Variants in FRMD4B observed in about 807,000 individuals in gnomAD.
FRMD4B encodes FERM domain-containing protein 4B.
In FRMD4B, 74 loss-of-function variants were observed where a neutral mutation model predicts 141.5. The observed-to-expected ratio is 0.52, with a 90% CI of 0.43 to 0.63. The LOEUF is 0.63. Among genes scored for constraint, FRMD4B ranks in the 30% least tolerant of loss-of-function variants. The pLI is 0.00. For missense variants in FRMD4B, 1,366 were observed against 1,253.4 expected (o/e 1.09, Z -1.36); for synonymous variants, 506 against 467.9 (o/e 1.08, Z -1.05).
At chr3:69,448,160 GCTGGGATTACAGGCGT>G (rs1705438204) in intron 1 of FRMD4B, among the ~76,000 whole-genome samples, 1 of 151,904 alleles carries the variant, frequency 6.6e-6, no homozygotes, top group Admixed American at 6.6e-5. Context: ...CTCCCAAGTA[GCTGGGATTACAGGCGT>G]GTGCCACCAC....
At chr3:69,267,591 GTGTGTATATATATA>G (rs1471698714) in intron 5 of FRMD4B, among the ~76,000 whole-genome samples, 5 of 98,160 alleles carry the variant, frequency 5.1e-5, no homozygotes, top group African/African-American at 1.8e-4. Context: ...GTGTGTGTGT[GTGTGTATATATATA>G]TATATATATA....
chr3:69,526,855 G>A (rs1349156877), intron 1 of FRMD4B, among the ~76,000 whole-genome samples: 1 of 152,126 alleles, frequency 6.6e-6, no homozygotes, highest in East Asian at 1.9e-4. Context: ...GACAGATCTT[G>A]GATTCAAACA....
At chr3:69,512,817 G>C (rs1411650723) in intron 1 of FRMD4B, among the ~76,000 whole-genome samples, 1 of 151,984 alleles carries the variant, frequency 6.6e-6, no homozygotes, top group East Asian at 1.9e-4. Context: ...AGCAACCAAT[G>C]GGTCAAAAAA....
intron 2 of FRMD4B, among the ~76,000 whole-genome samples, chr3:69,393,538 A>G (rs1352424211): frequency 6.6e-6 from 1 of 152,134 alleles, no homozygotes; most frequent in Non-Finnish European, 1.5e-5. Context: ...TTAAGGGAGA[A>G]ATGGTATCAA....
intron 1 of FRMD4B, among the ~76,000 whole-genome samples, chr3:69,434,997 C>T (rs888908199): frequency 3.9e-5 from 6 of 152,164 alleles, no homozygotes; most frequent in Non-Finnish European, 8.8e-5. Flanking sequence ...TGTACCCAAA[C>T]ACCCCTGGTA....
rs7627736 is a variant in FRMD4B at position 69,180,607 on chromosome 3, C to T, written c.2851+292G>A. 2.2e-3 allele frequency among the ~76,000 whole-genome samples: 332 copies of T among 149,574 alleles called. 2 individuals are homozygous for T. The highest frequency in any genetic ancestry group is 7.8e-3 in the African/African-American group (314 of 40,488). On this transcript the variant is annotated intron_variant, in intron 21 of 22. Coordinates refer to ENST00000398540, the MANE Select transcript of FRMD4B (RefSeq NM_015123.3). ...GAGACTCCTTCTCAAAAACAAAAAACAAAAAACAAAAAAAAACCCTAAAAC... is the reference window on the plus strand; with the variant it reads ...GAGACTCCTTCTCAAAAACAAAAAATAAAAAACAAAAAAAAACCCTAAAAC...
chr3:69,201,001 G>A, intron 11 of FRMD4B: 1 of 334,546 alleles, frequency 3.0e-6, no homozygotes. Flanking sequence ...GCCTGTCCCT[G>A]CATTGAGAGC....
intron 1 of FRMD4B, among the ~76,000 whole-genome samples, chr3:69,333,424 T>A (rs1702444741): frequency 6.6e-6 from 1 of 152,164 alleles, no homozygotes; most frequent in South Asian, 2.1e-4. Context: ...AAAAGTCAAA[T>A]GAGCCAGATC....
At chr3:69,401,395 T>A (rs1704561358) in intron 2 of FRMD4B, among the ~76,000 whole-genome samples, 2 of 152,228 alleles carry the variant, frequency 1.3e-5, no homozygotes, top group Non-Finnish European at 2.9e-5. Context: ...ATCTTAAAGA[T>A]TCCTGAAGTT....
chr3:69,311,256 G>A lies in FRMD4B; in HGVS notation c.323+7C>T. ...GGTAAAGAAACTAAAACTATTAAAG[G>A]ACTTACGTGTCATCTATGAATGTTA... is the stretch of plus-strand genomic sequence containing the variant. On this transcript the variant is annotated splice_region_variant and intron_variant, in intron 3 of 22. Transcript: ENST00000398540. 1 of 1,330,736 alleles carries A rather than the reference G, an allele frequency of 7.5e-7. No homozygotes were observed. The highest frequency in any genetic ancestry group is 1.1e-6 in the Non-Finnish European group (1 of 925,656). The allele number at this position is 1,330,736 out of a possible 1,614,324, so 82.4% of individuals were successfully genotyped here. A position where few individuals can be genotyped will look rare whatever the true frequency, so the allele number is the denominator to read the frequency against.
At chr3:69,482,060 CA>C (rs1250013425) in intron 1 of FRMD4B, among the ~76,000 whole-genome samples, 10 of 152,244 alleles carry the variant, frequency 6.6e-5, no homozygotes, top group East Asian at 3.9e-4. Context: ...CAAATTCTTT[CA>C]AAAGCTGAAA....
intron 2 of FRMD4B, among the ~76,000 whole-genome samples, chr3:69,415,637 A>T (rs1398990936): frequency 6.6e-6 from 1 of 152,246 alleles, no homozygotes; most frequent in Non-Finnish European, 1.5e-5. Context: ...TGATTCCCTC[A>T]GCCTAGGCCA....
At chr3:69,264,533 G>C (rs2093548532) in intron 5 of FRMD4B, among the ~76,000 whole-genome samples, 1 of 152,030 alleles carries the variant, frequency 6.6e-6, no homozygotes, top group African/African-American at 2.4e-5. Context: ...GAACTGTGAG[G>C]ACATAGCCCA....
rs550176579 is a variant in FRMD4B, at chr3:69,395,014, C to T, written c.-1+37620G>A. Among the ~76,000 whole-genome samples the T allele has an allele frequency of 7.0e-4, 107 of 151,922 alleles. 1 individual carries two copies. The highest frequency in any genetic ancestry group is 2.0e-3 in the African/African-American group (83 of 41,416). ...GAGAACATCACACACCGGGGCTTGT[C>T]GGGGGTGGAGGGCAAGGGGAGGGAG... On this transcript the variant is annotated intron_variant, in intron 2 of 5. Coordinates refer to the FRMD4B transcript ENST00000459638.
intron 1 of FRMD4B, among the ~76,000 whole-genome samples, chr3:69,450,994 G>A (rs1056652874): frequency 1.3e-5 from 2 of 152,098 alleles, no homozygotes; most frequent in African/African-American, 2.4e-5. Context: ...CTAATATCTC[G>A]AGTTTTAGAT....
At chr3:69,325,081 AAAAAAAAGAAAG>A (rs892478262) in intron 1 of FRMD4B, among the ~76,000 whole-genome samples, 2 of 13,314 alleles carry the variant, frequency 1.5e-4, no homozygotes, top group African/African-American at 2.5e-4. Flanking sequence ...TGTCTAAAAA[AAAAAAAAGAAAG>A]AAAGAAAGAA....
At chr3:69,490,266 G>GTTTCATCTATCATGTGCTACATGAAGT (rs1384044670) in intron 1 of FRMD4B, among the ~76,000 whole-genome samples, 1 of 152,180 alleles carries the variant, frequency 6.6e-6, no homozygotes, top group African/African-American at 2.4e-5. Context: ...AGCTTAAAAA[G>GTTTCATCTATCATGTGCTACATGAAGT]TTTCATCTAT....
At chr3:69,414,116 G>A (rs1704808830) in intron 2 of FRMD4B, among the ~76,000 whole-genome samples, 1 of 152,136 alleles carries the variant, frequency 6.6e-6, no homozygotes, top group African/African-American at 2.4e-5. Flanking sequence ...TCATACAGCT[G>A]CATTTCATCT....
chr3:69,205,363 C>G (rs2093014677), intron 11 of FRMD4B, among the ~76,000 whole-genome samples: 1 of 152,060 alleles, frequency 6.6e-6, no homozygotes, highest in Admixed American at 6.6e-5. Context: ...GGGGGTATTT[C>G]ACTGGAGGCT....
Sources: gnomAD v4.1 joint callset for allele counts (sites outside exome capture counted in the v4.1 genomes callset) on GRCh38, gnomAD v4.1.1 for gene constraint, MANE v1.5 for transcripts, NCBI Gene and HGNC (gene_info 2026-07-23, HGNC 2026-07-21) for gene names.